The following TUSC3 variants were observed in gnomAD, a reference collection of about 807,000 sequenced individuals.
TUSC3 encodes the protein dolichyl-diphosphooligosaccharide--protein glycosyltransferase subunit TUSC3.
In TUSC3, 45 loss-of-function variants were observed where a neutral mutation model predicts 44.8. The observed-to-expected ratio is 1.00, with a 90% CI of 0.79 to 1.29. The LOEUF is 1.29. Ranked by LOEUF, TUSC3 falls within the 50% of genes most tolerant of loss-of-function variation. The pLI, the probability that TUSC3 is intolerant of heterozygous loss-of-function variation, is 0.00. For missense variants in TUSC3, 519 were observed against 437.9 expected (o/e 1.19, Z -1.65); for synonymous variants, 212 against 152.9 (o/e 1.39, Z -2.85).
chr8:15,766,955 C>T (rs767959265), downstream of TUSC3, among the ~76,000 whole-genome samples: 3 of 152,072 alleles, frequency 2.0e-5, no homozygotes, highest in Non-Finnish European at 4.4e-5. Context: ...CTTGAATTGA[C>T]GCTTGAAGAC....
chr8:15,521,745 T>C (rs1389920416), intron 2 of TUSC3, among the ~76,000 whole-genome samples: 1 of 152,240 alleles, frequency 6.6e-6, no homozygotes, highest in Non-Finnish European at 1.5e-5. Context: ...AGGCACTTTA[T>C]GAAATGTGTC....
chr8:15,440,520 G>T (rs1171101158), intron 1 of TUSC3, among the ~76,000 whole-genome samples: 1 of 152,190 alleles, frequency 6.6e-6, no homozygotes, highest in Non-Finnish European at 1.5e-5. Context: ...TGTGAAGGAT[G>T]AGTTGGGAGG....
the TUSC3 span, among the ~76,000 whole-genome samples, chr8:15,773,347 T>G: frequency 6.6e-6 from 1 of 152,102 alleles, no homozygotes; most frequent in Non-Finnish European, 1.5e-5. Flanking sequence ...AAAAAGGAAA[T>G]TAAGACAATT....
At chr8:15,492,818 A>G (rs1021802788) in intron 2 of TUSC3, among the ~76,000 whole-genome samples, 7 of 152,140 alleles carry the variant, frequency 4.6e-5, no homozygotes, top group Non-Finnish European at 8.8e-5. Context: ...TCATTTAACA[A>G]TATCCATATG....
chr8:15,462,708 G>T (rs931224002), intron 1 of TUSC3, among the ~76,000 whole-genome samples: 2 of 152,212 alleles, frequency 1.3e-5, no homozygotes, highest in South Asian at 2.1e-4. Flanking sequence ...CTCCTATGTG[G>T]TGGTACTGAT....
chr8:15,826,919 G>T, the TUSC3 span, among the ~76,000 whole-genome samples: 103 of 152,244 alleles, frequency 6.8e-4, no homozygotes, highest in African/African-American at 2.4e-3. Flanking sequence ...TAAAAATAGG[G>T]AAGCTCTCAA....
intron 2 of TUSC3, among the ~76,000 whole-genome samples, chr8:15,631,705 TG>T (rs1230350289): frequency 4.7e-5 from 7 of 149,026 alleles, no homozygotes; most frequent in African/African-American, 9.9e-5. Context: ...TGTGTGTGTG[TG>T]TGTTTTGTTT....
chr8:15,807,394 G>C, the TUSC3 span: 9 of 289,856 alleles, frequency 3.1e-5, no homozygotes, highest in Non-Finnish European at 3.9e-5. Context: ...AGAAGGCAAT[G>C]CTTATACACT....
At position 15,705,133 on chromosome 8, in the gene TUSC3, C is replaced by T. The variant is rs1326586082; in HGVS notation, c.799-25533C>T. Among the ~76,000 whole-genome samples the T allele has an allele frequency of 1.2e-4, 18 of 150,068 alleles. 1 individual carries two copies. The East Asian group carries it at 2.4e-3, about 20-fold the overall frequency. On this transcript the variant is annotated intron_variant, in intron 6 of 10. Coordinates refer to ENST00000503731, the MANE Select transcript of TUSC3 (RefSeq NM_006765.4). ...CCTGGGTGCATGATTTTTTTTTTCTCGGACCTTCTTAACGGCAGGAATTAG... is the reference window on the plus strand; with the variant it reads ...CCTGGGTGCATGATTTTTTTTTTCTTGGACCTTCTTAACGGCAGGAATTAG...
At chr8:15,518,327 A>C (rs1392547605) in intron 2 of TUSC3, among the ~76,000 whole-genome samples, 1 of 152,162 alleles carries the variant, frequency 6.6e-6, no homozygotes, top group Non-Finnish European at 1.5e-5. Flanking sequence ...ATCTCAAATT[A>C]TACATGTTAC....
At chr8:15,730,750 C>T (rs371266286) in intron 7 of TUSC3, 21 bp downstream of exon 7, 20 of 1,610,302 alleles carry the variant, frequency 1.2e-5, no homozygotes, top group African/African-American at 8.0e-5. Flanking sequence ...AAGATACCGA[C>T]GAATTGAAAA....
intron 1 of TUSC3, among the ~76,000 whole-genome samples, chr8:15,474,858 C>T (rs181527436): frequency 6.6e-6 from 1 of 152,130 alleles, no homozygotes; most frequent in African/African-American, 2.4e-5. Flanking sequence ...CCATCCCAAC[C>T]CTGACCGTCT....
At chr8:15,586,213 G>T (rs560602117) in intron 1 of TUSC3, among the ~76,000 whole-genome samples, 5 of 152,272 alleles carry the variant, frequency 3.3e-5, no homozygotes, top group Admixed American at 6.5e-5. Context: ...AGTAGTGACT[G>T]TGAAGGACTG....
the TUSC3 span, among the ~76,000 whole-genome samples, chr8:15,821,262 C>A: frequency 1.3e-5 from 2 of 151,734 alleles, no homozygotes; most frequent in South Asian, 2.1e-4. Flanking sequence ...TCATTTAAAT[C>A]ATTGTTTCCC....
chr8:15,749,406 A>G (rs1220341899), intron 9 of TUSC3, among the ~76,000 whole-genome samples: 1 of 152,184 alleles, frequency 6.6e-6, no homozygotes, highest in Non-Finnish European at 1.5e-5. Context: ...CTTTGGGATT[A>G]TAATACAAGA....
At chr8:15,581,867 C>G (rs1458578643) in intron 1 of TUSC3, among the ~76,000 whole-genome samples, 1 of 127,204 alleles carries the variant, frequency 7.9e-6, no homozygotes, top group Non-Finnish European at 1.6e-5. Context: ...TTCCCGTTTA[C>G]CTAATCAAGC....
At chr8:15,722,831 TA>T (rs35213330) in intron 6 of TUSC3, among the ~76,000 whole-genome samples, 2 of 150,926 alleles carry the variant, frequency 1.3e-5, no homozygotes, top group African/African-American at 4.9e-5. Flanking sequence ...ACTGTTTAAA[TA>T]AAAAAAAACC....
At chr8:15,711,696 A>G (rs1208527396) in intron 6 of TUSC3, among the ~76,000 whole-genome samples, 1 of 151,732 alleles carries the variant, frequency 6.6e-6, no homozygotes, top group Admixed American at 6.6e-5. Context: ...GATTTGCTCA[A>G]GAAAATAACT....
intron 6 of TUSC3, among the ~76,000 whole-genome samples, chr8:15,719,564 A>G (rs1810216914): frequency 6.6e-6 from 1 of 151,330 alleles, no homozygotes; most frequent in South Asian, 2.1e-4. Flanking sequence ...ATGAGACTAG[A>G]GATCATTGCT....
Sources: gnomAD v4.1 joint callset for allele counts (sites outside exome capture counted in the v4.1 genomes callset) on GRCh38, gnomAD v4.1.1 for gene constraint, MANE v1.5 for transcripts, NCBI Gene and HGNC (gene_info 2026-07-23, HGNC 2026-07-21) for gene names.